The following LRRC37A2 variants were observed in gnomAD, a reference collection of about 807,000 sequenced individuals.
The protein encoded by LRRC37A2 is leucine-rich repeat-containing protein 37A2.
A neutral mutation model predicts 68.8 loss-of-function variants in LRRC37A2; 9 were observed. That is an observed-to-expected ratio of 0.13 (90% CI 0.08 to 0.23). The LOEUF is 0.23. Ranked by LOEUF, LRRC37A2 falls within the 10% of genes least tolerant of loss-of-function variation. The pLI, the probability that LRRC37A2 is intolerant of heterozygous loss-of-function variation, is 1.00. For missense variants in LRRC37A2, 168 were observed against 950.4 expected, an observed-to-expected ratio of 0.18 and a Z score of 10.82; for synonymous variants, 63 against 367.6, an observed-to-expected ratio of 0.17 and a Z score of 9.48.
the LRRC37A2 span, among the ~76,000 whole-genome samples, chr17:46,898,097 C>T: frequency 4.6e-5 from 7 of 152,234 alleles, no homozygotes; most frequent in South Asian, 6.2e-4. Context: ...GGATGGATCA[C>T]GGGGCCTGGC....
chr17:46,840,236 G>A, the LRRC37A2 span, among the ~76,000 whole-genome samples: 1 of 151,750 alleles, frequency 6.6e-6, no homozygotes, highest in Non-Finnish European at 1.5e-5. Flanking sequence ...ACAGGTGCCC[G>A]ACACCACGCC....
chr17:46,945,930 T>TC, the LRRC37A2 span, among the ~76,000 whole-genome samples: 1 of 152,160 alleles, frequency 6.6e-6, no homozygotes, highest in Non-Finnish European at 1.5e-5. Flanking sequence ...GGGTATAAAT[T>TC]CCGTGTCCAT....
chr17:46,965,362 G>T, the LRRC37A2 span, among the ~76,000 whole-genome samples: 3 of 152,230 alleles, frequency 2.0e-5, no homozygotes, highest in Non-Finnish European at 4.4e-5. Flanking sequence ...GACAAGAAGT[G>T]CTGGGACAAG....
At chr17:47,002,674 G>C in the LRRC37A2 span, among the ~76,000 whole-genome samples, 3 of 152,110 alleles carry the variant, frequency 2.0e-5, no homozygotes, top group South Asian at 4.2e-4. Context: ...ACAGGCATGA[G>C]CCACCACGCC....
chr17:46,936,760 T>C, the LRRC37A2 span: 1 of 983,624 alleles, frequency 1.0e-6, no homozygotes, highest in Non-Finnish European at 1.2e-6. Context: ...AAGAGTCTGA[T>C]TGTATTGTCA....
At chr17:46,932,639 G>T in the LRRC37A2 span, 4 of 297,282 alleles carry the variant, frequency 1.3e-5, no homozygotes, top group Non-Finnish European at 2.5e-5. Flanking sequence ...AGATGTTTTT[G>T]CCCCTAGTCT....
At chr17:46,815,700 C>T in the LRRC37A2 span, among the ~76,000 whole-genome samples, 1 of 152,298 alleles carries the variant, frequency 6.6e-6, no homozygotes, top group African/African-American at 2.4e-5. Flanking sequence ...GGGCCAGTGA[C>T]TCTAGTGCCT....
chr17:46,787,537 C>T, the LRRC37A2 span, among the ~76,000 whole-genome samples: 1 of 152,260 alleles, frequency 6.6e-6, no homozygotes, highest in African/African-American at 2.4e-5. Context: ...CCCAGGCCTG[C>T]TGACTCCCAG....
At chr17:46,853,363 C>CTTTTTTT in the LRRC37A2 span, among the ~76,000 whole-genome samples, 19 of 78,906 alleles carry the variant, frequency 2.4e-4, 4 homozygotes, top group African/African-American at 9.5e-4. Flanking sequence ...ATGCTAGTGA[C>CTTTTTTT]TTTTTTTTTT....
chr17:46,872,725 G>C, the LRRC37A2 span: 2 of 1,612,970 alleles, frequency 1.2e-6, no homozygotes, highest in Non-Finnish European at 1.7e-6. Context: ...GTTCCGGCAT[G>C]AGCGCTGGAA....
the LRRC37A2 span, among the ~76,000 whole-genome samples, chr17:46,803,617 T>A: frequency 2.2e-4 from 33 of 152,214 alleles, 1 homozygote; most frequent in African/African-American, 8.0e-4. Context: ...GGTTACCTGA[T>A]AAAGTTCACG....
the LRRC37A2 span, among the ~76,000 whole-genome samples, chr17:46,946,752 A>G: frequency 8.6e-5 from 13 of 150,706 alleles, no homozygotes; most frequent in East Asian, 2.6e-3. Flanking sequence ...AGTCCCAGCT[A>G]CTTGGGAGGC....
chr17:46,491,122 C>T, the LRRC37A2 span, among the ~76,000 whole-genome samples: 1 of 150,902 alleles, frequency 6.6e-6, no homozygotes, highest in Non-Finnish European at 1.5e-5. Context: ...GTGTCGAACT[C>T]CTGAGCTCAG....
At chr17:46,757,916 C>A in the LRRC37A2 span, among the ~76,000 whole-genome samples, 2 of 151,942 alleles carry the variant, frequency 1.3e-5, no homozygotes, top group African/African-American at 4.8e-5. Context: ...ATTGCTTGAA[C>A]CTGGGAGGCA....
At chr17:46,818,587 T>G in the LRRC37A2 span, 1 of 1,600,938 alleles carries the variant, frequency 6.2e-7, no homozygotes, top group Non-Finnish European at 8.5e-7. Context: ...CCCGAGCAGG[T>G]GGGGCTCCAT....
the LRRC37A2 span, among the ~76,000 whole-genome samples, chr17:46,894,962 G>T: frequency 6.6e-6 from 1 of 152,182 alleles, no homozygotes; most frequent in Non-Finnish European, 1.5e-5. Flanking sequence ...GCCTGTGCTC[G>T]GGACGGGACG....
chr17:46,542,723 G>A (rs1181619707), intron 8 of LRRC37A2, among the ~76,000 whole-genome samples: 4 of 150,140 alleles, frequency 2.7e-5, no homozygotes, highest in African/African-American at 5.0e-5. Context: ...ATATATGTAC[G>A]TGTATATATG....
At chr17:46,795,654 G>A in the LRRC37A2 span, among the ~76,000 whole-genome samples, 1 of 152,188 alleles carries the variant, frequency 6.6e-6, no homozygotes, top group African/African-American at 2.4e-5. Flanking sequence ...AGTGGGTGAC[G>A]ACACCAAGCC....
At chr17:46,803,694 T>C in the LRRC37A2 span, among the ~76,000 whole-genome samples, 372 of 152,318 alleles carry the variant, frequency 2.4e-3, 1 homozygote, top group Non-Finnish European at 2.5e-3. Context: ...CTGCATCCCA[T>C]GCTGGAGGCC....
Sources: gnomAD v4.1 joint callset for allele counts (sites outside exome capture counted in the v4.1 genomes callset) on GRCh38, gnomAD v4.1.1 for gene constraint, MANE v1.5 for transcripts, NCBI Gene and HGNC (gene_info 2026-07-23, HGNC 2026-07-21) for gene names.